The following COLEC12 variants were observed in gnomAD, a reference collection of about 807,000 sequenced individuals.
COLEC12 encodes collectin subfamily member 12.
In COLEC12, 33 loss-of-function variants were observed where a neutral mutation model predicts 71.1. The ratio of observed to expected loss-of-function variants is 0.46; its 90% CI spans 0.35 to 0.62. COLEC12 has a LOEUF of 0.62. Ranked by LOEUF, COLEC12 falls within the 20% of genes least tolerant of loss-of-function variation. The pLI, the probability that COLEC12 is intolerant of heterozygous loss-of-function variation, is 0.00. For synonymous variants in COLEC12, 350 were observed against 353.0 expected, an observed-to-expected ratio of 0.99 and a Z score of 0.10; for missense variants, 765 against 916.1, an observed-to-expected ratio of 0.84 and a Z score of 2.13.
chr18:408,432 C>G lies in COLEC12; in HGVS notation c.59-50910G>C, dbSNP rs1448141446. Among the ~76,000 whole-genome samples the G allele has an allele frequency of 2.0e-5, 3 of 152,038 alleles. No individual in the cohort carries two copies. Among genetic ancestry groups the G allele is most frequent in the Non-Finnish European group, 4.4e-5 (3 of 68,010 alleles). ...AAATAATACATCACATACTGCATCT[C>G]CTTTAGTGGTCTTTTCAATCATGAT... On this transcript the variant is annotated intron_variant, in intron 2 of 9. Coordinates refer to ENST00000400256, the MANE Select transcript of COLEC12 (RefSeq NM_130386.3). This position sits in a 1 kb window ranked among gnomAD's most constrained non-coding sequence, Gnocchi z 4.3.
At chr18:323,247 C>A (rs56358858) in intron 8 of COLEC12, among the ~76,000 whole-genome samples, 40,245 of 151,912 alleles carry the variant, frequency 0.26, 5,610 homozygotes, top group African/African-American at 0.28. Flanking sequence ...TATATATATA[C>A]ATTGAGTGGC....
At chr18:330,731 C>T (rs1913956062) in intron 8 of COLEC12, among the ~76,000 whole-genome samples, 1 of 152,092 alleles carries the variant, frequency 6.6e-6, no homozygotes, top group African/African-American at 2.4e-5. Context: ...TGATTCTATT[C>T]TTTGTTGCTC....
At chr18:368,146 T>G (rs943892087) in intron 2 of COLEC12, among the ~76,000 whole-genome samples, 2 of 152,230 alleles carry the variant, frequency 1.3e-5, no homozygotes, top group African/African-American at 4.8e-5. Context: ...TATATGGAGT[T>G]TAGAAATGAC....
intron 2 of COLEC12, among the ~76,000 whole-genome samples, chr18:407,965 A>G (rs1915822630): frequency 6.6e-6 from 1 of 152,266 alleles, no homozygotes; most frequent in Non-Finnish European, 1.5e-5. Context: ...ATCTGGATAT[A>G]TAGTCAGAAT....
At chr18:443,491 G>C (rs1246677008) in intron 2 of COLEC12, among the ~76,000 whole-genome samples, 1 of 152,126 alleles carries the variant, frequency 6.6e-6, no homozygotes, top group African/African-American at 2.4e-5. Context: ...AAAAATAGTT[G>C]GTTCTGGAAG....
At chr18:391,217 T>G (rs1173759317) in intron 2 of COLEC12, among the ~76,000 whole-genome samples, 2 of 152,162 alleles carry the variant, frequency 1.3e-5, no homozygotes, top group Non-Finnish European at 2.9e-5. Context: ...CTCTCAATGC[T>G]TTGAGCCAAA....
intron 5 of COLEC12, among the ~76,000 whole-genome samples, chr18:335,944 C>T (rs1914110308): frequency 6.6e-6 from 1 of 152,206 alleles, no homozygotes; most frequent in Non-Finnish European, 1.5e-5. Context: ...TCTTAGTCAC[C>T]TGGGCCTGTG....
intron 2 of COLEC12, among the ~76,000 whole-genome samples, chr18:421,621 G>A (rs1916100081): frequency 6.6e-6 from 1 of 152,124 alleles, no homozygotes; most frequent in Non-Finnish European, 1.5e-5. Flanking sequence ...TTCACAGCAT[G>A]AGTAATGCAC....
chr18:370,216 C>A (rs1411594112), intron 2 of COLEC12, among the ~76,000 whole-genome samples: 1 of 152,150 alleles, frequency 6.6e-6, no homozygotes, highest in East Asian at 1.9e-4. Context: ...TGACCAGGAG[C>A]ACACCAGCTC....
intron 2 of COLEC12, among the ~76,000 whole-genome samples, chr18:361,597 A>T (rs986638018): frequency 1.3e-5 from 2 of 152,220 alleles, no homozygotes; most frequent in Admixed American, 1.3e-4. Context: ...GGACCAGCGC[A>T]TAAGCTCTCT....
At chr18:365,230 G>A (rs1296153793) in intron 2 of COLEC12, among the ~76,000 whole-genome samples, 1 of 152,212 alleles carries the variant, frequency 6.6e-6, no homozygotes, top group Non-Finnish European at 1.5e-5. Context: ...TTAGACTGTG[G>A]TGACATACTT....
intron 2 of COLEC12, among the ~76,000 whole-genome samples, chr18:458,433 C>T (rs569395827): frequency 6.6e-6 from 1 of 152,238 alleles, no homozygotes; most frequent in Non-Finnish European, 1.5e-5. Flanking sequence ...TGAGAACACA[C>T]GTGGGTGGGC....
At chr18:372,021 T>C (rs530172802) in intron 2 of COLEC12, among the ~76,000 whole-genome samples, 2 of 152,194 alleles carry the variant, frequency 1.3e-5, no homozygotes, top group South Asian at 4.2e-4. Flanking sequence ...GTCTGCAGAG[T>C]GGAGCTGGAC....
chr18:419,127 C>T lies in COLEC12; in HGVS notation c.58+61580G>A, dbSNP rs191117281. ...ATCTTAAAATTATCTGGAAAATATCCAATCAATGTAAGGCATCATACTTCT... is the reference window on the plus strand; with the variant it reads ...ATCTTAAAATTATCTGGAAAATATCTAATCAATGTAAGGCATCATACTTCT... On this transcript the variant is annotated intron_variant, in intron 2 of 9. Transcript: ENST00000400256. 1.4e-3 allele frequency among the ~76,000 whole-genome samples: 218 copies of T among 151,902 alleles called. 3 individuals are homozygous for T. The highest frequency in any genetic ancestry group is 2.4e-3 in the Non-Finnish European group (160 of 67,974).
intron 2 of COLEC12, among the ~76,000 whole-genome samples, chr18:442,004 CACA>C (rs1916549256): frequency 6.2e-5 from 1 of 16,236 alleles, no homozygotes; most frequent in African/African-American, 5.7e-4. Flanking sequence ...TCTCTCTCTA[CACA>C]CACACACACA....
At position 335,049 on chromosome 18, in the gene COLEC12, G is replaced by A. The variant is rs1157754306; in HGVS notation, c.1509C>T (p.Gly503=). Residue 503 remains glycine (G), a synonymous_variant, in exon 6 of 10, where the codon GGC becomes GGT. Coordinates refer to ENST00000400256, the MANE Select transcript of COLEC12 (RefSeq NM_130386.3). ...CACGGGAGCCTTTGGGGCCCTGGGA[G>A]CCTTTAGATCCTTTGCCGCCACGCT... is the stretch of plus-strand genomic sequence containing the variant. The part of the protein sequence containing the change: ...PGERGGKGSK[G]SQGPKGSRGS... The A allele has an allele frequency of 5.6e-6, 9 of 1,602,444 alleles. No individual in the cohort carries two copies. Among genetic ancestry groups the A allele is most frequent in the African/African-American group, 1.4e-5 (1 of 73,934 alleles).
At chr18:497,001 T>C (rs2143799359) in intron 1 of COLEC12, among the ~76,000 whole-genome samples, 1 of 152,254 alleles carries the variant, frequency 6.6e-6, no homozygotes, top group East Asian at 1.9e-4. Flanking sequence ...TAATTGAAAA[T>C]GAAATTGGAA....
At chr18:331,603 G>T in intron 8 of COLEC12, 65 bp downstream of exon 8, 1 of 1,043,990 alleles carries the variant, frequency 9.6e-7, no homozygotes. Flanking sequence ...GTTGGGAGTC[G>T]GGCAAGAAGT....
intron 2 of COLEC12, among the ~76,000 whole-genome samples, chr18:429,008 T>G (rs1916249897): frequency 6.6e-6 from 1 of 152,206 alleles, no homozygotes; most frequent in South Asian, 2.1e-4. Context: ...TAATCATAAT[T>G]TTTTAACAGG....
Sources: gnomAD v4.1 joint callset for allele counts (sites outside exome capture counted in the v4.1 genomes callset) on GRCh38, gnomAD v4.1.1 for gene constraint, Gnocchi (gnomAD v3.1) non-coding constraint, MANE v1.5 for transcripts, NCBI Gene and HGNC (gene_info 2026-07-23, HGNC 2026-07-21) for gene names.